CBFA2T3: variants seen among roughly 807,000 people sequenced by gnomAD.
The protein encoded by CBFA2T3 is CBFA2/RUNX1 partner transcriptional co-repressor 3.
Under a neutral mutation model 58.6 loss-of-function variants are expected in CBFA2T3, and 31 were observed. That is an observed-to-expected ratio of 0.53 (90% CI 0.40 to 0.71). The LOEUF (loss-of-function observed/expected upper bound fraction) is 0.71. Among genes scored for constraint, CBFA2T3 ranks in the 30% least tolerant of loss-of-function variants. CBFA2T3 has a pLI of 0.00. For missense variants in CBFA2T3, 1,076 were observed against 963.1 expected (o/e 1.12, Z -1.55); for synonymous variants, 531 against 421.9 (o/e 1.26, Z -3.17).
intron 1 of CBFA2T3, among the ~76,000 whole-genome samples, chr16:88,956,048 C>T (rs1972212100): frequency 6.6e-6 from 1 of 152,286 alleles, no homozygotes; most frequent in South Asian, 2.1e-4. Flanking sequence ...GGGCTCCCGA[C>T]CCTGCCCAGG....
intron 1 of CBFA2T3, chr16:88,941,263 C>A (rs1971718771): frequency 2.6e-6 from 2 of 756,752 alleles, no homozygotes; most frequent in Non-Finnish European, 3.2e-6. Context: ...GCACCCCGCC[C>A]GGGGCGGTCT....
At chr16:88,924,005 C>A (rs1490607185) in intron 1 of CBFA2T3, among the ~76,000 whole-genome samples, 3 of 152,178 alleles carry the variant, frequency 2.0e-5, no homozygotes, top group African/African-American at 7.2e-5. Context: ...GCACAGCGAC[C>A]CAGCCATGGT....
intron 1 of CBFA2T3, among the ~76,000 whole-genome samples, chr16:88,917,325 G>A (rs1017681314): frequency 2.0e-5 from 3 of 152,162 alleles, no homozygotes; most frequent in Non-Finnish European, 2.9e-5. Flanking sequence ...AACTGGCACC[G>A]TGGGAGAAAG....
Position 88,901,669 on chromosome 16 carries a change from G to T in CBFA2T3, c.152-13C>A. 6.6e-7 allele frequency: 1 copy of T among 1,519,768 alleles called. No homozygotes were observed. 94.1% of individuals were successfully genotyped at this position (1,519,768 alleles called of 1,614,324 possible). On this transcript the variant is annotated splice_polypyrimidine_tract_variant and intron_variant, in intron 1 of 11. Transcript: ENST00000268679. ...CTGTCCACTGGGGCTGCGACCAACG[G>T]AGAAAGAAAGAGTCGGTGAAGCAGG...
chr16:88,875,635 G>C lies in CBFA2T3; in HGVS notation c.*1341C>G, dbSNP rs1003055828. The stretch of plus-strand genomic sequence containing the variant: ...GTCGGAGCTGGGGTGAGGGGGCCGA[G>C]AGAGGTCGGAGGGCGCGGAGAGGAG... On this transcript the variant is annotated 3_prime_UTR_variant, in exon 12 of 12. Coordinates refer to ENST00000268679, the MANE Select transcript of CBFA2T3 (RefSeq NM_005187.6). 1 of 233,718 alleles carries C rather than the reference G, an allele frequency of 4.3e-6. No homozygotes were observed. Among genetic ancestry groups the C allele is most frequent in the African/African-American group, 2.2e-5 (1 of 45,324 alleles). 14.5% of individuals were successfully genotyped at this position (233,718 alleles called of 1,614,324 possible). A position where few individuals can be genotyped will look rare whatever the true frequency, so the allele number is the denominator to read the frequency against.
At position 88,976,431 on chromosome 16, in the gene CBFA2T3, G is replaced by T. The variant is rs1451708611; in HGVS notation, c.151+226C>A. ...GCATCTGCCTCTGGGTGGGGCTGGG[G>T]CACCTGGCTGGCACCTGCCAAACCC... is the stretch of plus-strand genomic sequence containing the variant. On this transcript the variant is annotated intron_variant, in intron 1 of 11. Transcript: ENST00000268679. Among the ~76,000 whole-genome samples the T allele has an allele frequency of 2.0e-5, 3 of 152,246 alleles. No homozygotes were observed. In the East Asian group the frequency reaches 5.8e-4, roughly 29 times the overall value.
At chr16:88,928,602 C>T (rs1224441998) in intron 1 of CBFA2T3, among the ~76,000 whole-genome samples, 2 of 152,238 alleles carry the variant, frequency 1.3e-5, no homozygotes, top group Non-Finnish European at 2.9e-5. Flanking sequence ...GCGCTGTCAC[C>T]CGCCAGGTGG....
At chr16:88,894,844 G>T (rs1222240401) in intron 3 of CBFA2T3, among the ~76,000 whole-genome samples, 1 of 152,260 alleles carries the variant, frequency 6.6e-6, no homozygotes, top group African/African-American at 2.4e-5. Flanking sequence ...CGCCGAGGAG[G>T]AGGGGAAAAC....
At chr16:88,912,554 C>G (rs1293834477) in intron 1 of CBFA2T3, among the ~76,000 whole-genome samples, 1 of 152,212 alleles carries the variant, frequency 6.6e-6, no homozygotes, top group Non-Finnish European at 1.5e-5. Context: ...TGCCCCCACG[C>G]TCTCTGCCCC....
intron 5 of CBFA2T3, among the ~76,000 whole-genome samples, chr16:88,889,258 G>A (rs539470083): frequency 5.3e-5 from 8 of 150,350 alleles, no homozygotes; most frequent in Admixed American, 5.3e-4. Flanking sequence ...CATGAGCACA[G>A]CAGGGCGTGG....
chr16:88,890,027 G>A (rs537104037), intron 5 of CBFA2T3, among the ~76,000 whole-genome samples: 48 of 142,830 alleles, frequency 3.4e-4, no homozygotes, highest in South Asian at 1.2e-3. Context: ...ACGATGCCCC[G>A]CGATTCCTCC....
At chr16:88,941,351 G>A (rs1052893917) in intron 1 of CBFA2T3, among the ~76,000 whole-genome samples, 4 of 146,252 alleles carry the variant, frequency 2.7e-5, no homozygotes, top group South Asian at 2.1e-4. Context: ...AGAGTCTCAC[G>A]GGGCCCCGCG....
chr16:88,960,199 T>G (rs754710642), intron 1 of CBFA2T3, among the ~76,000 whole-genome samples: 2 of 152,092 alleles, frequency 1.3e-5, no homozygotes, highest in Non-Finnish European at 2.9e-5. Context: ...TGAGTGGTAT[T>G]GAATGACTCA....
Position 88,958,706 on chromosome 16 carries a change from G to A in CBFA2T3, c.151+17951C>T, listed in dbSNP as rs1972292130. Reference sequence around the variant, plus strand: ...CCAGGGCCGGGGGCTGGGGGCCTCGGTGTGGCCTTTGGAAGGAGATGAACT... The same window carrying A: ...CCAGGGCCGGGGGCTGGGGGCCTCGATGTGGCCTTTGGAAGGAGATGAACT... On this transcript the variant is annotated intron_variant, in intron 1 of 11. Coordinates refer to ENST00000268679, the MANE Select transcript of CBFA2T3 (RefSeq NM_005187.6). The surrounding 1 kb of genome is among the most constrained non-coding windows in gnomAD (Gnocchi z 4.0). Among the ~76,000 whole-genome samples, 2 of 151,986 alleles carry A rather than the reference G, an allele frequency of 1.3e-5. No individual in the cohort carries two copies. The highest frequency in any genetic ancestry group is 4.2e-4 in the South Asian group (2 of 4,812).
At chr16:88,919,096 G>A (rs961586202) in intron 1 of CBFA2T3, among the ~76,000 whole-genome samples, 9 of 152,142 alleles carry the variant, frequency 5.9e-5, no homozygotes, top group African/African-American at 2.2e-4. Flanking sequence ...ATTAGGTCAC[G>A]GCCTGTTCCT....
At chr16:88,888,607 GGGGT>G (rs1969495878) in intron 5 of CBFA2T3, among the ~76,000 whole-genome samples, 1 of 100,966 alleles carries the variant, frequency 9.9e-6, no homozygotes, top group African/African-American at 4.2e-5. Context: ...GTGGGTGGGA[GGGGT>G]GGGGTGGGGG....
intron 2 of CBFA2T3, 148 bp downstream of exon 2, chr16:88,901,356 A>G: frequency 3.9e-6 from 2 of 508,194 alleles, no homozygotes; most frequent in Non-Finnish European, 3.4e-6. Context: ...GAACCGGCCA[A>G]GCCTGGGCTC....
chr16:88,877,181 T>C lies in CBFA2T3; in HGVS notation c.1757A>G (p.Glu586Gly). 1.3e-6 allele frequency: 2 copies of C among 1,553,562 alleles called. No homozygotes were observed. Among genetic ancestry groups the C allele is most frequent in the Non-Finnish European group, 1.7e-6 (2 of 1,149,090 alleles). ...CTGGCCACACACGTGGTGATGCTTC[T>C]CCCAGTCCCGATGCTGGCAGAAGGA... ...CGSFCQHRDWEKHHHVCGQSL... is the reference protein window; with the variant it reads ...CGSFCQHRDWGKHHHVCGQSL... Residue 586 changes from glutamate to glycine, a missense_variant, in exon 12 of 12, where the codon GAG (glutamate) becomes GGG (glycine). Physicochemically the swap from Glu to Gly is moderately conservative, Grantham distance 98. Coordinates refer to ENST00000268679, the MANE Select transcript of CBFA2T3 (RefSeq NM_005187.6).
At chr16:88,976,631 C>G (rs764941863) in intron 1 of CBFA2T3, 26 bp downstream of exon 1, 12 of 1,527,490 alleles carry the variant, frequency 7.9e-6, no homozygotes, top group Middle Eastern at 2.3e-4. Flanking sequence ...GCCCCCACCC[C>G]ACCACCTTCC....
Sources: allele counts gnomAD v4.1 joint callset (sites outside exome capture counted in the v4.1 genomes callset), GRCh38; gene constraint gnomAD v4.1.1; non-coding constraint Gnocchi (gnomAD v3.1); transcripts MANE v1.5; gene names NCBI Gene and HGNC (gene_info 2026-07-23, HGNC 2026-07-21).